The following DENND4A variants were observed in gnomAD, a reference collection of about 807,000 sequenced individuals.
DENND4A encodes C-myc promoter-binding protein.
Under a neutral mutation model 199.3 loss-of-function variants are expected in DENND4A, and 70 were observed. That is an observed-to-expected ratio of 0.35 (90% CI 0.29 to 0.43). The LOEUF (loss-of-function observed/expected upper bound fraction) is 0.43, where lower values mean the gene tolerates loss of function less well. Among genes scored for constraint, DENND4A ranks in the 20% least tolerant of loss-of-function variants. The pLI is 1.00. For missense variants in DENND4A, 1,723 were observed against 2,255.8 expected, an observed-to-expected ratio of 0.76 and a Z score of 4.78; for synonymous variants, 686 against 766.9, an observed-to-expected ratio of 0.89 and a Z score of 1.74.
intron 1 of DENND4A, among the ~76,000 whole-genome samples, chr15:65,786,487 T>C (rs2077570000): frequency 6.6e-6 from 1 of 152,042 alleles, no homozygotes; most frequent in South Asian, 2.1e-4. Context: ...CCCAGCACTT[T>C]GGGAGGCCAA....
chr15:65,729,144 G>A lies in DENND4A; in HGVS notation c.1415C>T (p.Ser472Leu). ...AGGATCATAGAGATCAAAGTATCTT[G>A]AATCAATCCCTACTATGAATGGACA... ...APCPFIVGID[S>L]RYFDLYDPPP... The change falls in exon 11 of 33, where the codon TCA becomes TTA. Residue 472 changes from serine (S) to leucine (L), a missense_variant. Physicochemically the swap from Ser to Leu is moderately radical, Grantham distance 145 (BLOSUM62 -2). This residue lies in a region of DENND4A where 725 missense variants were observed against 952.9 expected (regional missense o/e 0.76). Transcript: ENST00000443035. The A allele has an allele frequency of 6.3e-7, 1 of 1,591,614 alleles. No homozygotes were observed. The highest frequency in any genetic ancestry group is 8.6e-7 in the Non-Finnish European group (1 of 1,167,950).
chr15:65,719,631 T>TAAA (rs1173442269), intron 12 of DENND4A, among the ~76,000 whole-genome samples: 1 of 152,174 alleles, frequency 6.6e-6, no homozygotes, highest in African/African-American at 2.4e-5. Flanking sequence ...GGCTCACATC[T>TAAA]GTAATCCTAG....
At chr15:65,722,790 GT>G in intron 12 of DENND4A, 57 bp downstream of exon 12, 1 of 1,288,592 alleles carries the variant, frequency 7.8e-7, no homozygotes, top group Non-Finnish European at 1.0e-6. Context: ...GTAAGGCAAA[GT>G]AATTGGAGTC....
chr15:65,686,552 T>C (rs1334845096), intron 23 of DENND4A, among the ~76,000 whole-genome samples: 1 of 152,222 alleles, frequency 6.6e-6, no homozygotes, highest in Non-Finnish European at 1.5e-5. Flanking sequence ...GTCTTCCTGA[T>C]GAACTGTTTC....
rs369826183 is a variant in DENND4A at position 65,737,775 on chromosome 15, T to C, written c.972A>G (p.Ala324=). 5.0e-6 allele frequency: 8 copies of C among 1,594,162 alleles called. No homozygotes were observed. The highest frequency in any genetic ancestry group is 1.8e-5 in the Admixed American group (1 of 57,014). ...ACAGAAAAGTCAGAAACTTCCTGAA[T>C]GCATCAAAAAAAGGCCAGTGAGAAA... ...CLLSHWPFFD[A]FRKFLTFLYR... Residue 324 remains alanine, a synonymous_variant, in exon 7 of 33, where the codon GCA becomes GCG. Coordinates refer to ENST00000443035, the MANE Select transcript of DENND4A (RefSeq NM_001320835.1).
intron 19 of DENND4A, 131 bp from the exon 20 acceptor site, chr15:65,700,806 A>C: frequency 9.8e-7 from 1 of 1,025,600 alleles, no homozygotes; most frequent in Non-Finnish European, 1.3e-6. Context: ...AAATACAACT[A>C]TAACAAAGAA....
intron 4 of DENND4A, among the ~76,000 whole-genome samples, chr15:65,749,085 T>C (rs2076492774): frequency 6.6e-6 from 1 of 151,920 alleles, no homozygotes; most frequent in African/African-American, 2.4e-5. Flanking sequence ...GTTGACAAAA[T>C]TATGAAAAAA....
In DENND4A at chr15:65,659,846, C is replaced by T. The variant is rs1316024958; in HGVS notation, c.*2005G>A. ...TTCGCTTTTCCAAATGAGTCTGAAT[C>T]GTAAAACCATAAAGAATGGTTTTAC... On this transcript the variant is annotated 3_prime_UTR_variant, in exon 33 of 33. Transcript: ENST00000443035. The T allele has an allele frequency of 6.5e-6, 1 of 154,184 alleles. No homozygotes were observed. The highest frequency in any genetic ancestry group is 6.4e-5 in the Admixed American group (1 of 15,622). 9.6% of individuals were successfully genotyped at this position (154,184 alleles called of 1,614,324 possible). A position where few individuals can be genotyped will look rare whatever the true frequency, so the allele number is the denominator to read the frequency against.
chr15:65,666,766 G>A (rs536918618), intron 29 of DENND4A, among the ~76,000 whole-genome samples: 15 of 138,484 alleles, frequency 1.1e-4, no homozygotes, highest in South Asian at 7.2e-4. Flanking sequence ...GTGACAGGGC[G>A]AGACCTTGTG....
intron 22 of DENND4A, among the ~76,000 whole-genome samples, chr15:65,692,084 T>C (rs2076992326): frequency 6.6e-6 from 1 of 151,770 alleles, no homozygotes; most frequent in African/African-American, 2.4e-5. Flanking sequence ...ATTATAGGCT[T>C]GAGCCACCAT....
chr15:65,748,242 A>C (rs1297498460), intron 4 of DENND4A, among the ~76,000 whole-genome samples: 1 of 152,040 alleles, frequency 6.6e-6, no homozygotes, highest in Non-Finnish European at 1.5e-5. Flanking sequence ...AACATCAAGA[A>C]ATTAGCTTTT....
At chr15:65,672,765 G>A (rs549919028) in intron 24 of DENND4A, among the ~76,000 whole-genome samples, 151 of 152,220 alleles carry the variant, frequency 9.9e-4, no homozygotes, top group African/African-American at 3.4e-3. Context: ...ATCAGTTGTC[G>A]ACAGTGATTG....
rs2076968567 is a variant in DENND4A at position 65,691,503 on chromosome 15, G to A, written c.3091C>T (p.Pro1031Ser). 6.3e-7 allele frequency: 1 copy of A among 1,582,580 alleles called. No individual in the cohort carries two copies. Among genetic ancestry groups the A allele is most frequent in the Admixed American group, 1.9e-5 (1 of 52,848 alleles). Residue 1031 changes from proline (P) to serine (S), a missense_variant, in exon 23 of 33, where the codon CCT (proline) becomes TCT (serine). Transcript: ENST00000443035. The part of the protein sequence containing the change: ...KISGESMEST[P>S]ELLLISSLED... Reference sequence around the variant, plus strand: ...AGAGATGATATTAAGAGCAGCTCAGGTGTGCTTTCTGAAAAACAAGTAAAG... The same window carrying A: ...AGAGATGATATTAAGAGCAGCTCAGATGTGCTTTCTGAAAAACAAGTAAAG...
Position 65,690,950 on chromosome 15 carries a change from G to A in DENND4A, c.3644C>T (p.Ser1215Phe), listed in dbSNP as rs2076949361. The change falls in exon 23 of 33, where the codon TCT becomes TTT. Residue 1215 changes from serine (S) to phenylalanine (F), a missense_variant. Physicochemically the swap from Ser to Phe is radical, Grantham distance 155 (BLOSUM62 -2). This residue lies in a region of DENND4A where 650 missense variants were observed against 738.1 expected (regional missense o/e 0.88). Coordinates refer to ENST00000443035, the MANE Select transcript of DENND4A (RefSeq NM_001320835.1). ...CTGTTCAGTCTCAGCAACCAAAAGAGAGAGGGGATCAAATCCTGTTGCGAC... is the reference window on the plus strand; with the variant it reads ...CTGTTCAGTCTCAGCAACCAAAAGAAAGAGGGGATCAAATCCTGTTGCGAC... Reference protein sequence around the residue: ...TDVATGFDPLSLLVAETEQQQ... With the variant: ...TDVATGFDPLFLLVAETEQQQ... 1 of 1,602,776 alleles carries A rather than the reference G, an allele frequency of 6.2e-7. No homozygotes were observed. Among genetic ancestry groups the A allele is most frequent in the South Asian group, 1.1e-5 (1 of 89,820 alleles).
At chr15:65,766,238 G>T (rs1361101680) in intron 1 of DENND4A, among the ~76,000 whole-genome samples, 1 of 139,470 alleles carries the variant, frequency 7.2e-6, no homozygotes, top group African/African-American at 2.7e-5. Context: ...GCAACGGAGT[G>T]AGACTCCACC....
At chr15:65,732,902 G>A in intron 7 of DENND4A, 84 bp from the exon 8 acceptor site, 1 of 785,884 alleles carries the variant, frequency 1.3e-6, no homozygotes, top group Non-Finnish European at 2.1e-6. Flanking sequence ...AGTCCAAGTT[G>A]AGTCAAAGCC....
chr15:65,691,568 T>C, intron 22 of DENND4A, 57 bp from the exon 23 acceptor site: 5 of 1,444,300 alleles, frequency 3.5e-6, no homozygotes, highest in African/African-American at 2.9e-5. Flanking sequence ...ATATAAGTCA[T>C]CTTAAATATT....
chr15:65,758,382 T>G (rs1195216942), intron 2 of DENND4A, among the ~76,000 whole-genome samples: 2 of 152,208 alleles, frequency 1.3e-5, no homozygotes, highest in Non-Finnish European at 2.9e-5. Context: ...AGTGCAAACA[T>G]GGCTCACTGC....
Position 65,702,866 on chromosome 15 carries a change from A to C in DENND4A, c.2223+7T>G, listed in dbSNP as rs2074923736. The C allele has an allele frequency of 6.2e-7, 1 of 1,600,414 alleles. No individual in the cohort carries two copies. Among genetic ancestry groups the C allele is most frequent in the African/African-American group, 1.3e-5 (1 of 74,092 alleles). ...AATTTGATTACATGAAGAATGTGAT[A>C]AAGTACCTGTTTTGTTCTTCTGAAC... On this transcript the variant is annotated splice_region_variant and intron_variant, in intron 16 of 32. Coordinates refer to ENST00000443035, the MANE Select transcript of DENND4A (RefSeq NM_001320835.1).
Sources: allele counts gnomAD v4.1 joint callset (sites outside exome capture counted in the v4.1 genomes callset), GRCh38; gene constraint gnomAD v4.1.1; regional missense constraint gnomAD v4.1.1; transcripts MANE v1.5; gene names NCBI Gene and HGNC (gene_info 2026-07-23, HGNC 2026-07-21).